CDH8: variants seen among roughly 807,000 people sequenced by gnomAD.
The protein encoded by CDH8 is cadherin-8.
A neutral mutation model predicts 68.1 loss-of-function variants in CDH8; 17 were observed. The ratio of observed to expected loss-of-function variants is 0.25; its 90% confidence interval spans 0.17 to 0.37. The LOEUF (loss-of-function observed/expected upper bound fraction) is 0.37. Ranked by LOEUF, CDH8 falls within the 10% of genes least tolerant of loss-of-function variation. CDH8 has a pLI of 1.00. For synonymous variants in CDH8, 372 were observed against 365.1 expected, an observed-to-expected ratio of 1.02 and a Z score of -0.21; for missense variants, 763 against 999.3, an observed-to-expected ratio of 0.76 and a Z score of 3.19.
Position 61,817,652 on chromosome 16 carries a change from G to A in CDH8, c.1104C>T (p.Gly368=), listed in dbSNP as rs746008149. ...TCGCCGTGTCTTTAAAGGGCCCCCT[G>A]CCACTGAAGCGTGGGTCAATATGGA... ...ANVHIDPRFS[G]RGPFKDTATV... Residue 368 remains glycine (G), a synonymous_variant, in exon 7 of 12, where the codon GGC becomes GGT. Transcript: ENST00000577390. The A allele has an allele frequency of 6.2e-7, 1 of 1,613,662 alleles. No homozygotes were observed. The highest frequency in any genetic ancestry group is 8.5e-7 in the Non-Finnish European group (1 of 1,179,830).
chr16:61,769,451 G>A (rs1272750001), intron 8 of CDH8, among the ~76,000 whole-genome samples: 1 of 151,644 alleles, frequency 6.6e-6, no homozygotes, highest in East Asian at 1.9e-4. Context: ...TCCCAATATC[G>A]TGGTCAGTTT....
chr16:61,715,072 G>A (rs1273126781), intron 9 of CDH8, among the ~76,000 whole-genome samples: 1 of 151,528 alleles, frequency 6.6e-6, no homozygotes, highest in Non-Finnish European at 1.5e-5. Context: ...TTATATGATA[G>A]GCAATTCATT....
intron 4 of CDH8, among the ~76,000 whole-genome samples, chr16:61,837,305 A>C (rs1962589060): frequency 1.3e-5 from 2 of 151,670 alleles, no homozygotes; most frequent in South Asian, 4.1e-4. Context: ...TTTTTTCTTT[A>C]TGTTTTCATA....
intron 8 of CDH8, among the ~76,000 whole-genome samples, chr16:61,744,565 T>C (rs72796897): frequency 0.087 from 13,284 of 151,964 alleles, 695 homozygotes; most frequent in African/African-American, 0.13. Flanking sequence ...TATGTAACTA[T>C]ATGGGTTTGG....
At chr16:61,707,067 G>C (rs1292280775) in intron 10 of CDH8, among the ~76,000 whole-genome samples, 1 of 152,088 alleles carries the variant, frequency 6.6e-6, no homozygotes, top group Admixed American at 6.6e-5. Context: ...CATGGACAAT[G>C]TTTGCAGACA....
chr16:61,977,783 C>A (rs1965463938), intron 2 of CDH8, among the ~76,000 whole-genome samples: 1 of 152,176 alleles, frequency 6.6e-6, no homozygotes. Context: ...GATGTCCAAA[C>A]TGTGCAACCA....
intron 8 of CDH8, among the ~76,000 whole-genome samples, chr16:61,735,880 C>T (rs1959664391): frequency 6.6e-6 from 1 of 151,940 alleles, no homozygotes; most frequent in Admixed American, 6.6e-5. Flanking sequence ...CGAGACCATC[C>T]TGGCCAACAT....
intron 4 of CDH8, among the ~76,000 whole-genome samples, chr16:61,826,623 T>C (rs762368208): frequency 2.0e-5 from 3 of 151,612 alleles, no homozygotes; most frequent in African/African-American, 4.8e-5. Flanking sequence ...CCTTGGCCAC[T>C]TCTGAAGTTG....
At chr16:61,872,328 G>A (rs547035176) in intron 3 of CDH8, among the ~76,000 whole-genome samples, 11 of 152,056 alleles carry the variant, frequency 7.2e-5, no homozygotes, top group East Asian at 1.9e-4. Context: ...AAGGTGGTTG[G>A]GATACAGATT....
chr16:61,880,430 G>T (rs879362004), intron 3 of CDH8, among the ~76,000 whole-genome samples: 5 of 152,178 alleles, frequency 3.3e-5, no homozygotes, highest in African/African-American at 7.2e-5. Context: ...AGCATTATTG[G>T]CCATGTTGTG....
At chr16:62,023,252 C>A (rs1239786206) in intron 1 of CDH8, among the ~76,000 whole-genome samples, 1 of 151,972 alleles carries the variant, frequency 6.6e-6, no homozygotes, top group East Asian at 1.9e-4. Flanking sequence ...TACAGCATAC[C>A]CATGCTGTGC....
chr16:61,798,974 C>T (rs1209807686), intron 7 of CDH8, among the ~76,000 whole-genome samples: 1 of 152,130 alleles, frequency 6.6e-6, no homozygotes, highest in Non-Finnish European at 1.5e-5. Context: ...GTTCTGGTGG[C>T]TATTTGAGAT....
Position 61,867,972 on chromosome 16 carries a change from A to C in CDH8, c.548-10734T>G, listed in dbSNP as rs146759238. On this transcript the variant is annotated intron_variant, in intron 3 of 11. Coordinates refer to ENST00000577390, the MANE Select transcript of CDH8 (RefSeq NM_001796.5). ...CCTCTCATCCTCCCCTCCAGAATTA[A>C]CCCATTCCTTGATAACATGGCTCCG... Among the ~76,000 whole-genome samples, 11 of 152,206 alleles carry C rather than the reference A, an allele frequency of 7.2e-5. No homozygotes were observed. In the East Asian group the frequency reaches 1.2e-3, roughly 16 times the overall value.
intron 2 of CDH8, among the ~76,000 whole-genome samples, chr16:61,972,748 A>C (rs1965365476): frequency 6.6e-6 from 1 of 152,110 alleles, no homozygotes; most frequent in East Asian, 1.9e-4. Flanking sequence ...GCTAGGTAAT[A>C]ATGGACCTAA....
At chr16:61,698,674 CCCAGGAATTAA>C (rs1964370529) in intron 10 of CDH8, among the ~76,000 whole-genome samples, 1 of 152,172 alleles carries the variant, frequency 6.6e-6, no homozygotes. Flanking sequence ...CTGGCAGGGA[CCCAGGAATTAA>C]CCAGTAAATT....
chr16:61,691,389 G>C (rs1222634684), intron 10 of CDH8, among the ~76,000 whole-genome samples: 1 of 149,150 alleles, frequency 6.7e-6, no homozygotes, highest in Non-Finnish European at 1.5e-5. Context: ...TTGTTTTCTT[G>C]CATTAGAGTG....
At chr16:61,782,771 G>C (rs1041610493) in intron 8 of CDH8, among the ~76,000 whole-genome samples, 1 of 152,142 alleles carries the variant, frequency 6.6e-6, no homozygotes, top group South Asian at 2.1e-4. Flanking sequence ...CCTCAAGTGG[G>C]TCCCTGACCC....
At chr16:61,866,144 A>G (rs1370702601) in intron 3 of CDH8, among the ~76,000 whole-genome samples, 1 of 151,842 alleles carries the variant, frequency 6.6e-6, no homozygotes, top group Non-Finnish European at 1.5e-5. Context: ...GGATCACTTG[A>G]GCCCGGGAAG....
At chr16:61,869,928 A>ATT (rs1963325485) in intron 3 of CDH8, among the ~76,000 whole-genome samples, 1 of 152,246 alleles carries the variant, frequency 6.6e-6, no homozygotes, top group African/African-American at 2.4e-5. Flanking sequence ...GAAAAAGACC[A>ATT]TATACATTTT....
Sources: gnomAD v4.1 joint callset for allele counts (sites outside exome capture counted in the v4.1 genomes callset) on GRCh38, gnomAD v4.1.1 for gene constraint, MANE v1.5 for transcripts, NCBI Gene and HGNC (gene_info 2026-07-23, HGNC 2026-07-21) for gene names.